GRIP1: variants seen among roughly 807,000 people sequenced by gnomAD.
GRIP1 encodes glutamate receptor-interacting protein 1.
A neutral mutation model predicts 129.9 loss-of-function variants in GRIP1; 45 were observed. That is an observed-to-expected ratio of 0.35 (90% CI 0.27 to 0.44). The LOEUF (loss-of-function observed/expected upper bound fraction) is 0.44, where lower values mean the gene tolerates loss of function less well. Among genes scored for constraint, GRIP1 ranks in the 20% least tolerant of loss-of-function variants. The probability of loss-of-function intolerance (pLI) is 1.00; values close to 1 mark genes in which losing one functional copy is unlikely to be tolerated. For missense variants in GRIP1, 1,196 were observed against 1,396.8 expected (o/e 0.86, Z 2.29); for synonymous variants, 530 against 520.8 (o/e 1.02, Z -0.24).
At chr12:66,836,136 T>A (rs2039609109) in intron 1 of GRIP1, among the ~76,000 whole-genome samples, 1 of 152,174 alleles carries the variant, frequency 6.6e-6, no homozygotes. Flanking sequence ...TATGACATGA[T>A]TGTTTTACCC....
At chr12:66,929,330 G>A (rs552719638) in intron 1 of GRIP1, among the ~76,000 whole-genome samples, 1 of 152,170 alleles carries the variant, frequency 6.6e-6, no homozygotes. Flanking sequence ...CTACCTAACT[G>A]GGGAATCCCC....
At chr12:66,656,532 G>A (rs951061190) in intron 1 of GRIP1, among the ~76,000 whole-genome samples, 3 of 151,980 alleles carry the variant, frequency 2.0e-5, no homozygotes, top group Non-Finnish European at 2.9e-5. Flanking sequence ...CTCTTACCAC[G>A]GATTATTGCT....
chr12:66,586,514 G>A (rs1333857643), intron 2 of GRIP1, among the ~76,000 whole-genome samples: 3 of 151,988 alleles, frequency 2.0e-5, no homozygotes, highest in Non-Finnish European at 4.4e-5. Flanking sequence ...CCACCCTCAA[G>A]GGTGTAACTA....
chr12:66,531,480 A>C (rs1048361843), intron 4 of GRIP1, among the ~76,000 whole-genome samples: 5 of 151,976 alleles, frequency 3.3e-5, no homozygotes, highest in Non-Finnish European at 7.4e-5. Flanking sequence ...ATGATTAAGA[A>C]AAGTACACAT....
At chr12:66,670,576 T>C (rs1446392977) in intron 1 of GRIP1, among the ~76,000 whole-genome samples, 1 of 152,240 alleles carries the variant, frequency 6.6e-6, no homozygotes, top group Non-Finnish European at 1.5e-5. Flanking sequence ...CTGTCATTTT[T>C]AAACTATGTC....
chr12:66,521,188 C>G (rs1423329851), intron 5 of GRIP1, among the ~76,000 whole-genome samples: 2 of 152,144 alleles, frequency 1.3e-5, no homozygotes, highest in Non-Finnish European at 2.9e-5. Context: ...ACTGTAATTC[C>G]TTGTAGATCA....
intron 3 of GRIP1, among the ~76,000 whole-genome samples, chr12:66,540,307 G>T (rs1267661396): frequency 6.6e-6 from 1 of 152,172 alleles, no homozygotes; most frequent in Non-Finnish European, 1.5e-5. Context: ...GCCTTTAACA[G>T]TGACTATTTG....
Position 66,451,383 on chromosome 12 carries a change from G to GTTTTTTTTTT in GRIP1, c.1354+4016_1354+4025dup, listed in dbSNP as rs1169331519. The stretch of plus-strand genomic sequence containing the variant: ...CCCCAAAGATTTATTATTATAATCT[G>GTTTTTTTTTT]TTTTTTTTTTTTTTTTTTTTTTTTT... On this transcript the variant is annotated intron_variant, in intron 11 of 24. Transcript: ENST00000359742. Among the ~76,000 whole-genome samples, 48 of 42,656 alleles carry GTTTTTTTTTT rather than the reference G, an allele frequency of 1.1e-3. 10 individuals carry two copies. The highest frequency in any genetic ancestry group is 3.0e-3 in the African/African-American group (27 of 9,086). The allele number at this position is 42,656 out of a possible 152,430, so 28.0% of individuals were successfully genotyped here.
At chr12:67,025,599 C>T (rs914057557) in intron 1 of GRIP1, among the ~76,000 whole-genome samples, 6 of 152,058 alleles carry the variant, frequency 3.9e-5, no homozygotes, top group African/African-American at 1.4e-4. Context: ...ATGTTCATTA[C>T]CTTTAGTATC....
chr12:66,574,933 AT>A (rs1032449052), intron 2 of GRIP1, among the ~76,000 whole-genome samples: 61 of 147,096 alleles, frequency 4.1e-4, no homozygotes, highest in African/African-American at 8.2e-4. Flanking sequence ...ATGCCCAGCT[AT>A]TTTTTTTTTC....
chr12:66,620,945 C>G (rs1326065641), intron 1 of GRIP1, among the ~76,000 whole-genome samples: 2 of 152,140 alleles, frequency 1.3e-5, no homozygotes, highest in East Asian at 1.9e-4. Flanking sequence ...CTAATTCACT[C>G]AGGTTTAGAC....
At chr12:66,684,193 CTT>C (rs1186583296) in intron 1 of GRIP1, among the ~76,000 whole-genome samples, 1 of 152,144 alleles carries the variant, frequency 6.6e-6, no homozygotes, top group Non-Finnish European at 1.5e-5. Context: ...TTGACACTTG[CTT>C]ACAGAACCCA....
chr12:67,024,725 C>T (rs1238476749), intron 1 of GRIP1, among the ~76,000 whole-genome samples: 1 of 152,118 alleles, frequency 6.6e-6, no homozygotes, highest in African/African-American at 2.4e-5. Context: ...ATCACTAATA[C>T]AAATGGCTAC....
intron 8 of GRIP1, 72 bp from the exon 9 acceptor site, chr12:66,463,165 A>G: frequency 7.9e-7 from 1 of 1,270,770 alleles, no homozygotes; most frequent in Non-Finnish European, 1.1e-6. Context: ...TGTCCTTCAT[A>G]GTTAAAATTT....
intron 1 of GRIP1, among the ~76,000 whole-genome samples, chr12:66,990,573 A>G (rs2042379251): frequency 6.6e-6 from 1 of 152,236 alleles, no homozygotes; most frequent in African/African-American, 2.4e-5. Context: ...GGCTCATGTA[A>G]TACTCACAAC....
chr12:66,789,043 TC>T (rs1342730287), intron 1 of GRIP1, among the ~76,000 whole-genome samples: 2 of 152,232 alleles, frequency 1.3e-5, no homozygotes, highest in African/African-American at 4.8e-5. Context: ...AAGACAACTC[TC>T]AATTACTTTA....
At chr12:66,429,824 T>C (rs2058093827) in intron 14 of GRIP1, among the ~76,000 whole-genome samples, 1 of 152,234 alleles carries the variant, frequency 6.6e-6, no homozygotes, top group Non-Finnish European at 1.5e-5. Flanking sequence ...TTACATATAG[T>C]AATTCATTTA....
chr12:66,944,544 T>C (rs1448419410), intron 1 of GRIP1, among the ~76,000 whole-genome samples: 1 of 149,242 alleles, frequency 6.7e-6, no homozygotes, highest in Non-Finnish European at 1.5e-5. Context: ...GGGGTGGGGG[T>C]GCCATTCTGA....
chr12:66,602,543 T>C (rs896856300), intron 1 of GRIP1, among the ~76,000 whole-genome samples: 1 of 152,178 alleles, frequency 6.6e-6, no homozygotes, highest in African/African-American at 2.4e-5. Context: ...AGCTTTGGTA[T>C]GTGGAGGCTG....
Sources: gnomAD v4.1 joint callset for allele counts (sites outside exome capture counted in the v4.1 genomes callset) on GRCh38, gnomAD v4.1.1 for gene constraint, MANE v1.5 for transcripts, NCBI Gene and HGNC (gene_info 2026-07-23, HGNC 2026-07-21) for gene names.